NTSR1: variants seen among roughly 807,000 people sequenced by gnomAD.
The protein encoded by NTSR1 is neurotensin receptor type 1.
NTSR1 carries 29 observed loss-of-function variants against 31.2 expected under a neutral mutation model. That is an observed-to-expected ratio of 0.93 (90% CI 0.69 to 1.27). The LOEUF is 1.27. NTSR1 is among the 50% of genes most tolerant of loss of function. The probability of loss-of-function intolerance (pLI) is 0.00; values close to 1 mark genes in which losing one functional copy is unlikely to be tolerated. For synonymous variants in NTSR1, 282 were observed against 269.9 expected (o/e 1.04, Z -0.44); for missense variants, 697 against 595.4 (o/e 1.17, Z -1.78).
At chr20:62,725,129 A>G (rs1024857989) in intron 1 of NTSR1, among the ~76,000 whole-genome samples, 1 of 152,370 alleles carries the variant, frequency 6.6e-6, no homozygotes, top group African/African-American at 2.4e-5. Flanking sequence ...CCCAAGGCAC[A>G]GGATGGGGCT....
chr20:62,737,137 T>C (rs747474042), intron 1 of NTSR1, among the ~76,000 whole-genome samples: 2 of 152,194 alleles, frequency 1.3e-5, no homozygotes, highest in Non-Finnish European at 2.9e-5. Context: ...CTGGGCCCAG[T>C]CTTTCCCGGA....
rs996069715 is a variant in NTSR1 at position 62,711,286 on chromosome 20, C to T, written c.714+1365C>T. Among the ~76,000 whole-genome samples, 19 of 152,280 alleles carry T rather than the reference C, an allele frequency of 1.2e-4. No homozygotes were observed. The highest frequency in any genetic ancestry group is 4.1e-4 in the African/African-American group (17 of 41,560). ...AGTCAGGGCTGCTTTGCTTCTGCGG[C>T]GAGAGTCCCTCCCCTCACCAGAGGC... On this transcript the variant is annotated intron_variant, in intron 1 of 3. Transcript: ENST00000370501. The surrounding 1 kb of genome is among the most constrained non-coding windows in gnomAD (Gnocchi z 6.4).
chr20:62,747,774 A>G (rs1989326273), intron 1 of NTSR1, among the ~76,000 whole-genome samples: 1 of 152,224 alleles, frequency 6.6e-6, no homozygotes, highest in Non-Finnish European at 1.5e-5. Context: ...ACAAAAACAA[A>G]AAAAAACTGT....
In NTSR1 at chr20:62,709,336, G is replaced by A; in HGVS notation, c.129G>A (p.Ser43=). Residue 43 remains serine, a synonymous_variant, in exon 1 of 4, where the codon TCG becomes TCA. Transcript: ENST00000370501. ...PGFGNASGNA[S]ERVLAAPSSE... ...TCGGCAACGCTTCGGGCAACGCGTC[G>A]GAGCGCGTCCTGGCGGCACCCAGCA... 3.1e-6 allele frequency: 5 copies of A among 1,609,150 alleles called. No homozygotes were observed. Among genetic ancestry groups the A allele is most frequent in the Non-Finnish European group, 4.2e-6 (5 of 1,178,304 alleles).
chr20:62,727,722 G>A (rs1043889755), intron 1 of NTSR1, among the ~76,000 whole-genome samples: 4 of 152,250 alleles, frequency 2.6e-5, no homozygotes, highest in African/African-American at 7.2e-5. Flanking sequence ...AGGGGGACCT[G>A]TGGGCTGAAA....
At chr20:62,756,228 G>A (rs1213325265) in intron 2 of NTSR1, among the ~76,000 whole-genome samples, 1 of 152,152 alleles carries the variant, frequency 6.6e-6, no homozygotes, top group African/African-American at 2.4e-5. Context: ...AGCTGGGAGG[G>A]GCTCTCAGAG....
intron 3 of NTSR1, among the ~76,000 whole-genome samples, chr20:62,759,774 CAA>C (rs11403481): frequency 6.1e-5 from 8 of 131,200 alleles, no homozygotes; most frequent in Non-Finnish European, 6.3e-5. Flanking sequence ...GACTCCGTCT[CAA>C]AAAAAAAAAA....
intron 1 of NTSR1, among the ~76,000 whole-genome samples, chr20:62,751,347 T>C (rs1259072577): frequency 2.0e-5 from 3 of 152,238 alleles, no homozygotes; most frequent in Admixed American, 2.0e-4. Flanking sequence ...GTAAGATCTC[T>C]ATGAGTTAGG....
At position 62,715,728 on chromosome 20, in the gene NTSR1, G is replaced by A. The variant is rs547352560; in HGVS notation, c.714+5807G>A. On this transcript the variant is annotated intron_variant, in intron 1 of 3. Coordinates refer to ENST00000370501, the MANE Select transcript of NTSR1 (RefSeq NM_002531.3). The surrounding 1 kb of genome is among the most constrained non-coding windows in gnomAD (Gnocchi z 4.7). Reference sequence around the variant, plus strand: ...CCTGGGGCTGTGCCTGCAGTTCTGTGGGTACTGAGGGCAGCAAGGGGGTAC... The same window carrying A: ...CCTGGGGCTGTGCCTGCAGTTCTGTAGGTACTGAGGGCAGCAAGGGGGTAC... 6.6e-6 allele frequency among the ~76,000 whole-genome samples: 1 copy of A among 152,360 alleles called. No homozygotes were observed. The highest frequency in any genetic ancestry group is 2.1e-4 in the South Asian group (1 of 4,824).
chr20:62,759,313 GGT>G (rs1241931812), intron 3 of NTSR1, among the ~76,000 whole-genome samples: 2 of 152,178 alleles, frequency 1.3e-5, no homozygotes, highest in Non-Finnish European at 2.9e-5. Context: ...CTGAGGGCAA[GGT>G]GTGTGGCTGC....
At chr20:62,726,101 C>T (rs908021062) in intron 1 of NTSR1, among the ~76,000 whole-genome samples, 5 of 152,326 alleles carry the variant, frequency 3.3e-5, no homozygotes, top group East Asian at 1.9e-4. Context: ...CAGCCTCCAC[C>T]GGGTCACCGG....
intron 1 of NTSR1, among the ~76,000 whole-genome samples, chr20:62,738,626 G>A (rs1211525819): frequency 6.6e-6 from 1 of 152,236 alleles, no homozygotes; most frequent in Non-Finnish European, 1.5e-5. Context: ...CTTGCAAGGT[G>A]GCCACAGGCC....
At chr20:62,722,628 G>A (rs1012106043) in intron 1 of NTSR1, among the ~76,000 whole-genome samples, 5 of 152,164 alleles carry the variant, frequency 3.3e-5, no homozygotes, top group South Asian at 2.1e-4. Context: ...AGATAGTAAC[G>A]TTCTGCCCGG....
rs1989023835 is a variant in NTSR1 at position 62,732,928 on chromosome 20, C to CG, written c.715-21755dup. 6.6e-6 allele frequency: 1 copy of CG among 152,028 alleles called. No individual in the cohort carries two copies. The highest frequency in any genetic ancestry group is 1.5e-5 in the Non-Finnish European group (1 of 68,022). 9.4% of individuals were successfully genotyped at this position (152,028 alleles called of 1,614,324 possible). A position where few individuals can be genotyped will look rare whatever the true frequency, so the allele number is the denominator to read the frequency against. ...GGAGGACCACAGCGGGCACAGGGGG[C>CG]GGCTCAGGCTGAGAACCAACGGCGC... On this transcript the variant is annotated intron_variant, in intron 1 of 3. Transcript: ENST00000370501. This position sits in a 1 kb window ranked among gnomAD's most constrained non-coding sequence, Gnocchi z 4.0.
intron 1 of NTSR1, among the ~76,000 whole-genome samples, chr20:62,723,692 A>G (rs1988860528): frequency 1.3e-5 from 2 of 152,116 alleles, no homozygotes; most frequent in Admixed American, 1.3e-4. Context: ...GCCAGTGGGG[A>G]CAGAGGTCTT....
At chr20:62,747,778 A>C (rs1264883793) in intron 1 of NTSR1, among the ~76,000 whole-genome samples, 2 of 152,262 alleles carry the variant, frequency 1.3e-5, no homozygotes, top group African/African-American at 4.8e-5. Flanking sequence ...AAACAAAAAA[A>C]AACTGTTAGC....
chr20:62,743,698 G>A lies in NTSR1; in HGVS notation c.715-10987G>A, dbSNP rs3787527. ...TTCCCACTCAGCACAGGCTGGCTGC[G>A]GAGCCGGGAAGCAGTGTGCCAGTCT... On this transcript the variant is annotated intron_variant, in intron 1 of 3. Coordinates refer to ENST00000370501, the MANE Select transcript of NTSR1 (RefSeq NM_002531.3). This position sits in a 1 kb window ranked among gnomAD's most constrained non-coding sequence, Gnocchi z 7.5. Among the ~76,000 whole-genome samples the A allele has an allele frequency of 0.12, 17,832 of 152,242 alleles. 1,123 individuals are homozygous for A. Among genetic ancestry groups the A allele is most frequent in the Non-Finnish European group, 0.14 (9,214 of 67,998 alleles).
At chr20:62,759,051 G>T (rs1009589074) in intron 3 of NTSR1, among the ~76,000 whole-genome samples, 1 of 152,234 alleles carries the variant, frequency 6.6e-6, no homozygotes, top group Non-Finnish European at 1.5e-5. Flanking sequence ...AGCCTTGCCA[G>T]CTGGCCATCC....
At chr20:62,748,419 G>GA (rs61641058) in intron 1 of NTSR1, among the ~76,000 whole-genome samples, 12,774 of 150,856 alleles carry the variant, frequency 0.085, 690 homozygotes, top group African/African-American at 0.15. Flanking sequence ...CACAGAAATA[G>GA]AAAAAAAAAT....
Sources: allele counts gnomAD v4.1 joint callset (sites outside exome capture counted in the v4.1 genomes callset), GRCh38; gene constraint gnomAD v4.1.1; non-coding constraint Gnocchi (gnomAD v3.1); transcripts MANE v1.5; gene names NCBI Gene and HGNC (gene_info 2026-07-23, HGNC 2026-07-21).